Variants in MYBPC3 observed in about 807,000 individuals in gnomAD.
MYBPC3 encodes myosin-binding protein C, cardiac-type.
Under a neutral mutation model 159.3 loss-of-function variants are expected in MYBPC3, and 108 were observed. The observed-to-expected ratio is 0.68, with a 90% CI of 0.58 to 0.80. The LOEUF (loss-of-function observed/expected upper bound fraction) is 0.80, where lower values mean the gene tolerates loss of function less well. Ranked by LOEUF, MYBPC3 falls within the 30% of genes least tolerant of loss-of-function variation. MYBPC3 has a pLI of 0.00. For synonymous variants in MYBPC3, 730 were observed against 702.0 expected, an observed-to-expected ratio of 1.04 and a Z score of -0.63; for missense variants, 1,631 against 1,762.1, an observed-to-expected ratio of 0.93 and a Z score of 1.33.
At position 47,336,028 on chromosome 11, in the gene MYBPC3, TC is replaced by T; in HGVS notation, c.2603-18del. The T allele has an allele frequency of 6.8e-7, 1 of 1,472,866 alleles. No homozygotes were observed. The highest frequency in any genetic ancestry group is 9.0e-7 in the Non-Finnish European group (1 of 1,108,820). 91.2% of individuals were successfully genotyped at this position (1,472,866 alleles called of 1,614,324 possible). On this transcript the variant is annotated intron_variant, in intron 25 of 34. Coordinates refer to ENST00000545968, the MANE Select transcript of MYBPC3 (RefSeq NM_000256.3). ...TGGGGGGACCTGGGCAGAGGAGAGG[TC>T]AGAGAGGGGTCTGAGCAAGCCTGGG...
At chr11:47,334,157 T>A (rs2095880123) in intron 27 of MYBPC3, 147 bp from the exon 28 acceptor site, 2 of 739,990 alleles carry the variant, frequency 2.7e-6, no homozygotes, top group Non-Finnish European at 4.3e-6. Context: ...TAGCTCCTGC[T>A]AACACAGCAA....
chr11:47,333,276 G>T lies in MYBPC3; in HGVS notation c.3248C>A (p.Ala1083Asp). ...ATCCTGGGGTGGCTTCCACTCCAGA[G>T]CCACATTAAGACCCCAGGCGTCAGT... ...RVTDAWGLNV[A>D]LEWKPPQDVG... Residue 1083 changes from alanine to aspartate, a missense_variant, in exon 30 of 35, where the codon GCT becomes GAT. Physicochemically the swap from Ala to Asp is moderately radical, Grantham distance 126. Transcript: ENST00000545968. 6.3e-7 allele frequency: 1 copy of T among 1,590,084 alleles called. No homozygotes were observed. Among genetic ancestry groups the T allele is most frequent in the Non-Finnish European group, 8.6e-7 (1 of 1,167,910 alleles).
intron 8 of MYBPC3, 24 bp from the exon 9 acceptor site, chr11:47,347,503 G>A (rs1258173641): frequency 6.3e-7 from 1 of 1,591,378 alleles, no homozygotes; most frequent in Non-Finnish European, 8.6e-7. Context: ...CCCCCAGTGA[G>A]GCTGCAGTGA....
At chr11:47,341,846 G>A (rs1447138034) in intron 18 of MYBPC3, 145 bp downstream of exon 18, 2 of 1,090,332 alleles carry the variant, frequency 1.8e-6, no homozygotes, top group Non-Finnish European at 2.6e-6. Context: ...CTCTCTGTGG[G>A]TCTCTGTCTC....
chr11:47,342,717 C>T lies in MYBPC3; in HGVS notation c.1485G>A (p.Arg495=). 3 of 1,614,012 alleles carry T rather than the reference C, an allele frequency of 1.9e-6. No homozygotes were observed. Among genetic ancestry groups the T allele is most frequent in the Non-Finnish European group, 2.5e-6 (3 of 1,179,878 alleles). ...TGAACCGGTATTTGAAGGTCTCCTC[C>T]CGGGTCAGCTCCACCCCGTCCTTCA... ...KWLKDGVELT[R]EETFKYRFKK... Residue 495 remains arginine (R), a synonymous_variant, in exon 17 of 35, where the codon CGG becomes CGA. Coordinates refer to ENST00000545968, the MANE Select transcript of MYBPC3 (RefSeq NM_000256.3).
At chr11:47,340,886 G>T in intron 20 of MYBPC3, 117 bp downstream of exon 20, 1 of 1,194,444 alleles carries the variant, frequency 8.4e-7, no homozygotes, top group Non-Finnish European at 1.1e-6. Flanking sequence ...GCTGAAGCTG[G>T]GCCCCAGGAC....
chr11:47,340,287 A>G (rs2596407), intron 20 of MYBPC3, among the ~76,000 whole-genome samples: 101,684 of 151,936 alleles, frequency 0.67, 34,384 homozygotes, highest in East Asian at 0.98. Flanking sequence ...GCACACACAC[A>G]CACGCGCGCA....
intron 30 of MYBPC3, 54 bp from the exon 31 acceptor site, chr11:47,333,027 G>A (rs1416429955): frequency 7.7e-6 from 12 of 1,567,510 alleles, no homozygotes; most frequent in East Asian, 6.9e-5. Flanking sequence ...TCCTGATGCC[G>A]AGAGCCTCTC....
Position 47,351,189 on chromosome 11 carries a change from G to GCCCCACCCC in MYBPC3, c.292+49_292+50insGGGGTGGGG. 10 of 1,449,032 alleles carry GCCCCACCCC rather than the reference G, an allele frequency of 6.9e-6. No individual in the cohort carries two copies. In the East Asian group the frequency reaches 7.7e-5, roughly 11 times the overall value. The allele number at this position is 1,449,032 out of a possible 1,614,324, so 89.8% of individuals were successfully genotyped here. A position where few individuals can be genotyped will look rare whatever the true frequency, so the allele number is the denominator to read the frequency against. ...TGGATGGATGGAGAGTCGCTGGGCT[G>GCCCCACCCC]CCCCTCCCCCAGCAGCCCAAACCTC... On this transcript the variant is annotated intron_variant, in intron 2 of 34. Coordinates refer to ENST00000545968, the MANE Select transcript of MYBPC3 (RefSeq NM_000256.3). The surrounding 1 kb of genome is among the most constrained non-coding windows in gnomAD (Gnocchi z 4.2).
In MYBPC3 at chr11:47,338,485, C is replaced by T; in HGVS notation, c.2308+35G>A. 6.2e-7 allele frequency: 1 copy of T among 1,613,518 alleles called. No homozygotes were observed. Among genetic ancestry groups the T allele is most frequent in the Admixed American group, 1.7e-5 (1 of 59,996 alleles). Reference sequence around the variant, plus strand: ...ATGGGCCCTCCTTGGGGCTGCCCCTCTGTGTTCTCCAGCTTGGACCCCGGC... The same window carrying T: ...ATGGGCCCTCCTTGGGGCTGCCCCTTTGTGTTCTCCAGCTTGGACCCCGGC... On this transcript the variant is annotated intron_variant, in intron 23 of 34. Transcript: ENST00000545968. This position sits in a 1 kb window ranked among gnomAD's most constrained non-coding sequence, Gnocchi z 4.7.
chr11:47,339,532 A>G (rs891771085), intron 21 of MYBPC3, 119 bp downstream of exon 21: 8 of 1,492,566 alleles, frequency 5.4e-6, no homozygotes, highest in Middle Eastern at 1.8e-4. Context: ...AGTCTCTCCC[A>G]TGGGGTAGCC....
chr11:47,346,666 G>A lies in MYBPC3; in HGVS notation c.909-22C>T. ...ACTGCTGCTCCAGGGGTGGGGGTGG[G>A]AGAAAGGGTAGGTGGCACATGAGAG... On this transcript the variant is annotated intron_variant, in intron 10 of 34. Coordinates refer to ENST00000545968, the MANE Select transcript of MYBPC3 (RefSeq NM_000256.3). The surrounding 1 kb of genome is among the most constrained non-coding windows in gnomAD (Gnocchi z 5.3). 10 of 1,572,612 alleles carry A rather than the reference G, an allele frequency of 6.4e-6. No individual in the cohort carries two copies. The highest frequency in any genetic ancestry group is 3.4e-5 in the Admixed American group (2 of 58,042).
intron 20 of MYBPC3, among the ~76,000 whole-genome samples, chr11:47,340,186 GAC>G (rs374582885): frequency 1.8e-3 from 264 of 146,388 alleles, no homozygotes; most frequent in African/African-American, 6.9e-3. Flanking sequence ...TGCACACACA[GAC>G]ACACACATGC....
At position 47,332,393 on chromosome 11, in the gene MYBPC3, A is replaced by G. The variant is rs1325869892; in HGVS notation, c.3628-135T>C. The G allele has an allele frequency of 4.9e-6, 7 of 1,424,822 alleles. No individual in the cohort carries two copies. Among genetic ancestry groups the G allele is most frequent in the Middle Eastern group, 2.3e-4 (1 of 4,366 alleles). The allele number at this position is 1,424,822 out of a possible 1,614,324, so 88.3% of individuals were successfully genotyped here. A position where few individuals can be genotyped will look rare whatever the true frequency, so the allele number is the denominator to read the frequency against. ...CCTGACTATGCCCAAGGCTGGAAAC[A>G]AACATGGAACCAAGAGTGAGTACCA... On this transcript the variant is annotated intron_variant, in intron 32 of 34. Transcript: ENST00000545968. The surrounding 1 kb of genome is among the most constrained non-coding windows in gnomAD (Gnocchi z 4.2).
intron 1 of MYBPC3, among the ~76,000 whole-genome samples, chr11:47,352,019 G>A (rs565594813): frequency 6.6e-6 from 1 of 152,174 alleles, no homozygotes; most frequent in South Asian, 2.1e-4. Context: ...CCCAGGCCCA[G>A]GTCCCTGGGC....
rs1799423827 is a variant in MYBPC3 at position 47,331,866 on chromosome 11, CCT to C, written c.*3_*4del. 2.5e-6 allele frequency: 4 copies of C among 1,609,496 alleles called. No individual in the cohort carries two copies. The highest frequency in any genetic ancestry group is 3.4e-6 in the Non-Finnish European group (4 of 1,178,280). On this transcript the variant is annotated 3_prime_UTR_variant, in exon 34 of 35. Transcript: ENST00000545968. Reference sequence around the variant, plus strand: ...ATACCTGGCCATCCCCAGGAGCCAGCCTGGTCACTGAGGCACTGCAGAAGAGG... The same window carrying C: ...ATACCTGGCCATCCCCAGGAGCCAGCGGTCACTGAGGCACTGCAGAAGAGG...
At chr11:47,336,484 C>T (rs11039189) in intron 25 of MYBPC3, 33,439 of 124,084 alleles carry the variant, frequency 0.27, 4,921 homozygotes, top group East Asian at 0.61. Flanking sequence ...AGCGAGACTC[C>T]ATCTCAAAAA....
chr11:47,336,056 A>G, intron 25 of MYBPC3, 45 bp from the exon 26 acceptor site: 2 of 1,391,790 alleles, frequency 1.4e-6, no homozygotes, highest in East Asian at 5.4e-5. Context: ...AAGCCTGGGG[A>G]AGCTGGAGAT....
intron 26 of MYBPC3, 48 bp from the exon 27 acceptor site, chr11:47,335,257 A>G: frequency 6.9e-7 from 1 of 1,456,442 alleles, no homozygotes; most frequent in South Asian, 1.4e-5. Context: ...GTCACCACTG[A>G]CACCCCACTC....
Sources: allele counts gnomAD v4.1 joint callset (sites outside exome capture counted in the v4.1 genomes callset), GRCh38; gene constraint gnomAD v4.1.1; non-coding constraint Gnocchi (gnomAD v3.1); transcripts MANE v1.5; gene names NCBI Gene and HGNC (gene_info 2026-07-23, HGNC 2026-07-21).